NXN: variants seen among roughly 807,000 people sequenced by gnomAD.
NXN encodes the protein nucleoredoxin.
NXN carries 16 observed loss-of-function variants against 48.6 expected under a neutral mutation model. That is an observed-to-expected ratio of 0.33 (90% CI 0.22 to 0.50). NXN has a LOEUF of 0.50. NXN is among the 20% of genes least tolerant of loss of function. The pLI, the probability that NXN is intolerant of heterozygous loss-of-function variation, is 0.98. For missense variants in NXN, 492 were observed against 605.5 expected (o/e 0.81, Z 1.97); for synonymous variants, 281 against 269.6 (o/e 1.04, Z -0.41).
intron 1 of NXN, among the ~76,000 whole-genome samples, chr17:835,516 G>T (rs1481659230): frequency 6.6e-6 from 1 of 152,178 alleles, no homozygotes; most frequent in Non-Finnish European, 1.5e-5. Context: ...GCTCCGCCTG[G>T]CAGTGGGTTC....
Position 879,526 on chromosome 17 carries a change from A to G in NXN, c.361-53448T>C, listed in dbSNP as rs190048633. Among the ~76,000 whole-genome samples, 646 of 151,880 alleles carry G rather than the reference A, an allele frequency of 4.3e-3. 2 individuals are homozygous for G. Among genetic ancestry groups the G allele is most frequent in the African/African-American group, 0.014 (592 of 41,410 alleles). On this transcript the variant is annotated intron_variant, in intron 1 of 7. Transcript: ENST00000336868. The stretch of plus-strand genomic sequence containing the variant: ...GGTCTTGAACTCCTGACCTCAAATG[A>G]TCCACCCGCCTCGGCCTCCCAAAGT...
intron 1 of NXN, among the ~76,000 whole-genome samples, chr17:963,214 G>GACACACACAC (rs58535607): frequency 0.035 from 4,953 of 142,818 alleles, 286 homozygotes; most frequent in African/African-American, 0.12. Flanking sequence ...TACTGGGACG[G>GACACACACAC]ACACACACAC....
chr17:804,499 G>A (rs1005164574), intron 6 of NXN, among the ~76,000 whole-genome samples: 3 of 152,066 alleles, frequency 2.0e-5, no homozygotes, highest in African/African-American at 7.2e-5. Flanking sequence ...CAAGGCAGAG[G>A]GCCAGGTTTT....
Position 967,372 on chromosome 17 carries a change from C to T in NXN, c.360+11947G>A, listed in dbSNP as rs551817097. Among the ~76,000 whole-genome samples the T allele has an allele frequency of 1.5e-3, 236 of 152,300 alleles. 2 individuals are homozygous for T. Among genetic ancestry groups the T allele is most frequent in the Non-Finnish European group, 2.4e-3 (161 of 68,006 alleles). On this transcript the variant is annotated intron_variant, in intron 1 of 7. Transcript: ENST00000336868. The stretch of plus-strand genomic sequence containing the variant: ...CCAGAGGCCAGGGCGCAGAGACAGG[C>T]GGGGCGGGGAGATGGGCAAGGACCT...
At chr17:889,739 GAAAGAAAGAA>G (rs1225448424) in intron 1 of NXN, among the ~76,000 whole-genome samples, 3 of 87,828 alleles carry the variant, frequency 3.4e-5, no homozygotes, top group African/African-American at 6.0e-5. Context: ...AAGAAAGAAA[GAAAGAAAGAA>G]AGAAAGAAAG....
rs569400370 is a variant in NXN, at chr17:943,976, G to A, written c.360+35343C>T. 3.9e-5 allele frequency among the ~76,000 whole-genome samples: 6 copies of A among 151,920 alleles called. No homozygotes were observed. In the South Asian group the frequency reaches 6.3e-4, roughly 16 times the overall value. ...TATTTGGCCGGGCACGGTGGCTCAC[G>A]CCTGTAATCCCAGCACTTTGGGAGG... On this transcript the variant is annotated intron_variant, in intron 1 of 7. Coordinates refer to ENST00000336868, the MANE Select transcript of NXN (RefSeq NM_022463.5).
At chr17:869,063 CCAAGCCT>C (rs1368940027) in intron 1 of NXN, among the ~76,000 whole-genome samples, 1 of 151,790 alleles carries the variant, frequency 6.6e-6, no homozygotes, top group Non-Finnish European at 1.5e-5. Context: ...CAGATTCTAC[CCAAGCCT>C]CCTGCCTTAT....
intron 1 of NXN, among the ~76,000 whole-genome samples, chr17:854,949 A>C (rs142549397): frequency 0.032 from 4,879 of 151,054 alleles, 93 homozygotes; most frequent in Non-Finnish European, 0.043. Context: ...ACAGAGTGAG[A>C]CTCCGTCTCA....
chr17:873,544 A>G (rs114381190), intron 1 of NXN, among the ~76,000 whole-genome samples: 1 of 150,700 alleles, frequency 6.6e-6, no homozygotes, highest in Non-Finnish European at 1.5e-5. Context: ...TTCTGTACTT[A>G]TATTTTGCTA....
chr17:897,965 AC>A (rs1325931141), intron 1 of NXN, among the ~76,000 whole-genome samples: 6 of 152,112 alleles, frequency 3.9e-5, no homozygotes, highest in South Asian at 2.1e-4. Context: ...ACAGGTGTGA[AC>A]CCCTGCTGCT....
chr17:943,781 C>T lies in NXN; in HGVS notation c.360+35538G>A, dbSNP rs369007972. On this transcript the variant is annotated intron_variant, in intron 1 of 7. Coordinates refer to ENST00000336868, the MANE Select transcript of NXN (RefSeq NM_022463.5). Reference sequence around the variant, plus strand: ...CGGAGGTTGCAGGGAGCCGAGATCGCGCCACTGCACTCCAGCCTGAGTGAC... The same window carrying T: ...CGGAGGTTGCAGGGAGCCGAGATCGTGCCACTGCACTCCAGCCTGAGTGAC... 8.1e-4 allele frequency among the ~76,000 whole-genome samples: 123 copies of T among 151,440 alleles called. No individual in the cohort carries two copies. The South Asian group carries it at 0.013, about 15-fold the overall frequency.
At chr17:803,947 G>A (rs1911344245) in intron 6 of NXN, 141 bp from the exon 7 acceptor site, 2 of 1,051,970 alleles carry the variant, frequency 1.9e-6, no homozygotes, top group Non-Finnish European at 2.8e-6. Flanking sequence ...CCCCTTGGAT[G>A]CAGGTCTTGC....
At chr17:837,118 C>T (rs1402768744) in intron 1 of NXN, among the ~76,000 whole-genome samples, 2 of 152,154 alleles carry the variant, frequency 1.3e-5, no homozygotes, top group East Asian at 1.9e-4. Context: ...GCTGGGACTA[C>T]GGTCGCACAC....
chr17:812,952 G>A (rs772424095), intron 5 of NXN, among the ~76,000 whole-genome samples: 1 of 150,836 alleles, frequency 6.6e-6, no homozygotes, highest in Non-Finnish European at 1.5e-5. Context: ...ATGTGTGAGT[G>A]TAGGTGTGCA....
intron 5 of NXN, among the ~76,000 whole-genome samples, chr17:811,184 A>T (rs1279141810): frequency 6.6e-6 from 1 of 152,162 alleles, no homozygotes; most frequent in Admixed American, 6.5e-5. Context: ...TCAACGCTGG[A>T]GGAGCAAAGG....
intron 1 of NXN, among the ~76,000 whole-genome samples, chr17:857,673 A>C (rs2068000037): frequency 6.6e-6 from 1 of 152,222 alleles, no homozygotes; most frequent in Non-Finnish European, 1.5e-5. Flanking sequence ...TAAAAGCTGT[A>C]GCTCTCTTTC....
intron 5 of NXN, among the ~76,000 whole-genome samples, chr17:811,645 G>A (rs1294795561): frequency 2.0e-5 from 3 of 152,162 alleles, no homozygotes; most frequent in Admixed American, 6.5e-5. Flanking sequence ...CCAGGGCACC[G>A]AAGGAAGCCG....
At chr17:842,550 C>T (rs1192747956) in intron 1 of NXN, 6 of 985,330 alleles carry the variant, frequency 6.1e-6, no homozygotes, top group Admixed American at 1.2e-4. Context: ...CCAGAGGCAC[C>T]TACGGCACAT....
intron 2 of NXN, among the ~76,000 whole-genome samples, chr17:824,495 G>A (rs984518183): frequency 2.6e-5 from 4 of 152,158 alleles, no homozygotes; most frequent in East Asian, 1.9e-4. Flanking sequence ...TCGGGGCCTC[G>A]GGAATCAACC....
Sources: allele counts gnomAD v4.1 joint callset (sites outside exome capture counted in the v4.1 genomes callset), GRCh38; gene constraint gnomAD v4.1.1; transcripts MANE v1.5; gene names NCBI Gene and HGNC (gene_info 2026-07-23, HGNC 2026-07-21).